Variants in SGCZ observed in about 807,000 individuals in gnomAD.
SGCZ encodes zeta-sarcoglycan.
SGCZ carries 40 observed loss-of-function variants against 41.3 expected under a neutral mutation model. That is an observed-to-expected ratio of 0.97 (90% CI 0.75 to 1.26). The LOEUF (loss-of-function observed/expected upper bound fraction) is 1.26, where lower values mean the gene tolerates loss of function less well. SGCZ is among the 50% of genes most tolerant of loss of function. The pLI, the probability that SGCZ is intolerant of heterozygous loss-of-function variation, is 0.00. For synonymous variants in SGCZ, 206 were observed against 137.5 expected, an observed-to-expected ratio of 1.50 and a Z score of -3.49; for missense variants, 552 against 369.8, an observed-to-expected ratio of 1.49 and a Z score of -4.04.
intron 2 of SGCZ, among the ~76,000 whole-genome samples, chr8:14,468,666 TA>T (rs1801123034): frequency 6.6e-6 from 1 of 152,106 alleles, no homozygotes; most frequent in Non-Finnish European, 1.5e-5. Context: ...AGATAAACCG[TA>T]GACACTAACA....
At chr8:14,476,068 G>T (rs1446585171) in intron 2 of SGCZ, among the ~76,000 whole-genome samples, 2 of 151,890 alleles carry the variant, frequency 1.3e-5, no homozygotes, top group Non-Finnish European at 2.9e-5. Context: ...ACTTCCCAAA[G>T]TATTGGGATT....
At chr8:15,132,641 T>A (rs183983494) in intron 1 of SGCZ, among the ~76,000 whole-genome samples, 1 of 152,280 alleles carries the variant, frequency 6.6e-6, no homozygotes, top group Non-Finnish European at 1.5e-5. Flanking sequence ...CCATAGACTC[T>A]AAAAAATTTA....
At chr8:14,337,481 A>T (rs1054236664) in intron 2 of SGCZ, among the ~76,000 whole-genome samples, 4 of 152,126 alleles carry the variant, frequency 2.6e-5, no homozygotes, top group African/African-American at 9.7e-5. Flanking sequence ...GAATTTTACT[A>T]TTGGAAAGGA....
intron 2 of SGCZ, among the ~76,000 whole-genome samples, chr8:14,472,116 C>G (rs1244635729): frequency 2.0e-5 from 3 of 151,972 alleles, no homozygotes; most frequent in African/African-American, 4.8e-5. Flanking sequence ...AGCATTTGAT[C>G]ATAGGTCTTA....
intron 1 of SGCZ, among the ~76,000 whole-genome samples, chr8:15,025,001 C>T (rs1803401904): frequency 6.6e-6 from 1 of 151,416 alleles, no homozygotes; most frequent in African/African-American, 2.4e-5. Context: ...GAGTTTCAAG[C>T]AAAGTCCTGA....
intron 2 of SGCZ, among the ~76,000 whole-genome samples, chr8:14,512,667 T>A (rs1015334072): frequency 2.0e-5 from 3 of 152,104 alleles, no homozygotes; most frequent in Admixed American, 6.6e-5. Flanking sequence ...GGTCCCATTA[T>A]GTTGCCCAGG....
intron 2 of SGCZ, among the ~76,000 whole-genome samples, chr8:14,440,025 T>C (rs1280762021): frequency 6.6e-6 from 1 of 152,060 alleles, no homozygotes; most frequent in Non-Finnish European, 1.5e-5. Context: ...CTCATAAATT[T>C]AACCTTAAAA....
At chr8:14,540,524 G>C (rs867508795) in intron 2 of SGCZ, among the ~76,000 whole-genome samples, 13 of 150,974 alleles carry the variant, frequency 8.6e-5, no homozygotes. Flanking sequence ...CTGATTCCCA[G>C]ATTTTGGGGG....
intron 1 of SGCZ, among the ~76,000 whole-genome samples, chr8:15,008,483 A>C (rs1802687439): frequency 6.9e-6 from 1 of 145,610 alleles, no homozygotes; most frequent in African/African-American, 2.6e-5. Flanking sequence ...TGTGGAATGA[A>C]AAAATAAAAA....
chr8:15,135,720 A>T (rs1389853746), intron 1 of SGCZ, among the ~76,000 whole-genome samples: 1 of 152,010 alleles, frequency 6.6e-6, no homozygotes, highest in Non-Finnish European at 1.5e-5. Flanking sequence ...GGCAAGCCCC[A>T]GAACTGGGGC....
intron 4 of SGCZ, among the ~76,000 whole-genome samples, chr8:14,182,281 C>G (rs1804753967): frequency 6.6e-6 from 1 of 152,170 alleles, no homozygotes; most frequent in African/African-American, 2.4e-5. Flanking sequence ...TGCAGTGAGC[C>G]AAGGCCATGA....
At chr8:14,847,164 A>AGAAGAAGAAGAAGAAGAG (rs1563312276) in intron 1 of SGCZ, among the ~76,000 whole-genome samples, 5 of 145,712 alleles carry the variant, frequency 3.4e-5, no homozygotes, top group African/African-American at 1.3e-4. Flanking sequence ...AAGAAGAAGA[A>AGAAGAAGAAGAAGAAGAG]GAAGAAGAAG....
chr8:14,217,932 A>G (rs1463755681), intron 4 of SGCZ, among the ~76,000 whole-genome samples: 1 of 152,016 alleles, frequency 6.6e-6, no homozygotes, highest in African/African-American at 2.4e-5. Context: ...CGCCCGGCCA[A>G]CTAAAGATTT....
chr8:14,681,126 T>C (rs1034959400), intron 1 of SGCZ, among the ~76,000 whole-genome samples: 2 of 151,754 alleles, frequency 1.3e-5, no homozygotes, highest in African/African-American at 4.8e-5. Flanking sequence ...CCACAACAAC[T>C]GTAAATTAAA....
At chr8:14,362,225 C>G (rs1196977797) in intron 2 of SGCZ, among the ~76,000 whole-genome samples, 1 of 152,184 alleles carries the variant, frequency 6.6e-6, no homozygotes, top group Non-Finnish European at 1.5e-5. Flanking sequence ...TCAGAGCTGT[C>G]AGGCAGGGAC....
At chr8:14,812,034 G>T (rs1801753153) in intron 1 of SGCZ, among the ~76,000 whole-genome samples, 1 of 151,882 alleles carries the variant, frequency 6.6e-6, no homozygotes, top group Non-Finnish European at 1.5e-5. Flanking sequence ...GATTATAGGG[G>T]TAAGACAGGG....
chr8:14,823,859 T>A (rs942176037), intron 1 of SGCZ, among the ~76,000 whole-genome samples: 2 of 152,108 alleles, frequency 1.3e-5, no homozygotes, highest in Non-Finnish European at 2.9e-5. Flanking sequence ...GGGTAAAGAT[T>A]ATATGGAATA....
At chr8:14,388,690 G>A (rs926345777) in intron 2 of SGCZ, among the ~76,000 whole-genome samples, 10 of 151,928 alleles carry the variant, frequency 6.6e-5, no homozygotes, top group African/African-American at 2.4e-4. Context: ...AAGAATGGGT[G>A]GCAAATCCTT....
intron 1 of SGCZ, among the ~76,000 whole-genome samples, chr8:15,019,011 C>T (rs1373585721): frequency 1.3e-5 from 2 of 152,178 alleles, no homozygotes; most frequent in Non-Finnish European, 2.9e-5. Flanking sequence ...GGAAGTGCTA[C>T]ACACTTTTAA....
Sources: gnomAD v4.1 joint callset for allele counts (sites outside exome capture counted in the v4.1 genomes callset) on GRCh38, gnomAD v4.1.1 for gene constraint, MANE v1.5 for transcripts, NCBI Gene and HGNC (gene_info 2026-07-23, HGNC 2026-07-21) for gene names.